Variants in UTP14A observed in about 807,000 individuals in gnomAD.
The protein encoded by UTP14A is U3 small nucleolar RNA-associated protein 14 homolog A.
A neutral mutation model predicts 57.2 loss-of-function variants in UTP14A; 5 were observed. The observed-to-expected ratio is 0.09, with a 90% confidence interval of 0.05 to 0.18. The LOEUF is 0.18. Among genes scored for constraint, UTP14A ranks in the 10% least tolerant of loss-of-function variants. UTP14A has a pLI of 1.00. For synonymous variants in UTP14A, 169 were observed against 210.9 expected, an observed-to-expected ratio of 0.80 and a Z score of 1.72; for missense variants, 430 against 562.1, an observed-to-expected ratio of 0.76 and a Z score of 2.38.
intron 8 of UTP14A, 148 bp downstream of exon 8, chrX:129,919,637 C>T (rs1211666960): frequency 2.4e-5 from 15 of 631,839 alleles, no homozygotes; most frequent in Non-Finnish European, 3.3e-5. Context: ...TTGTTCCCCC[C>T]AAACCAACCT....
In UTP14A at chrX:129,920,472, G is replaced by A; in HGVS notation, c.768G>A (p.Val256=). 1 of 1,212,135 alleles carries A rather than the reference G, an allele frequency of 8.2e-7. No homozygotes were observed. The highest frequency in any genetic ancestry group is 1.1e-6 in the Non-Finnish European group (1 of 895,647). The change falls in exon 9 of 15, where the codon GTG becomes GTA. Residue 256 remains valine (V), a synonymous_variant. Transcript: ENST00000394422. ...KIKSKKYHKV[V]KKGKAKKALK... ...ACCCCTACAGGTATCACAAAGTCGTGAAGAAAGGAAAGGCCAAGAAAGCCC... is the reference window on the plus strand; with the variant it reads ...ACCCCTACAGGTATCACAAAGTCGTAAAGAAAGGAAAGGCCAAGAAAGCCC...
At chrX:129,911,191 G>T (rs369325912) in intron 5 of UTP14A, 41 bp downstream of exon 5, 1 of 1,166,898 alleles carries the variant, frequency 8.6e-7, no homozygotes, top group South Asian at 2.1e-5. Context: ...GAAAGAAATT[G>T]AATTGACAAG....
At chrX:129,923,187 G>A (rs1329706797) in intron 11 of UTP14A, 1 of 112,458 alleles carries the variant, frequency 8.9e-6, no homozygotes, top group Non-Finnish European at 1.9e-5. Context: ...AGCTACAATG[G>A]CTTCATGCCA....
Position 129,921,812 on chromosome X carries a change from G to T in UTP14A, c.1348+225G>T, listed in dbSNP as rs1929927920. The T allele has an allele frequency of 1.3e-5, 5 of 376,808 alleles. No homozygotes were observed. In the Admixed American group the frequency reaches 2.6e-4, roughly 19 times the overall value. The allele number at this position is 376,808 out of a possible 1,213,427, so 31.1% of individuals were successfully genotyped here. ...TGCATGGCCGTGCAACGTGGTTCAGGCACATTTTCTGTTCTTGGGGGCTTA... is the reference window on the plus strand; with the variant it reads ...TGCATGGCCGTGCAACGTGGTTCAGTCACATTTTCTGTTCTTGGGGGCTTA... On this transcript the variant is annotated intron_variant, in intron 11 of 14. Coordinates refer to ENST00000394422, the MANE Select transcript of UTP14A (RefSeq NM_006649.4).
In UTP14A at chrX:129,928,167, T is replaced by A. The variant is rs190704121; in HGVS notation, c.2044-1169T>A. On this transcript the variant is annotated intron_variant, in intron 14 of 14. Coordinates refer to ENST00000394422, the MANE Select transcript of UTP14A (RefSeq NM_006649.4). ...AGGCCAAGGCGGGTGGATCACAAGG[T>A]CAGGAGATCGAGACCATCCTAACAC... Among the ~76,000 whole-genome samples, 121 of 105,338 alleles carry A rather than the reference T, an allele frequency of 1.1e-3. 1 individual carries two copies. Among genetic ancestry groups the A allele is most frequent in the African/African-American group, 3.8e-3 (109 of 28,745 alleles). The allele number at this position is 105,338 out of a possible 115,157, so 91.5% of individuals were successfully genotyped here. A position where few individuals can be genotyped will look rare whatever the true frequency, so the allele number is the denominator to read the frequency against.
intron 12 of UTP14A, 109 bp from the exon 13 acceptor site, chrX:129,925,810 A>G: frequency 1.0e-6 from 1 of 956,007 alleles, no homozygotes; most frequent in Non-Finnish European, 1.4e-6. Flanking sequence ...ATCATTGTTC[A>G]GCACTTCCCC....
chrX:129,913,302 C>T (rs753331801), intron 6 of UTP14A: 1 of 327,814 alleles, frequency 3.1e-6, no homozygotes, highest in South Asian at 2.8e-5. Context: ...CTACCATTCT[C>T]TTTCTAGGAG....
rs1326741732 is a variant in UTP14A at position 129,919,429 on chromosome X, G to A, written c.692G>A (p.Arg231Gln). Residue 231 changes from arginine to glutamine, a missense_variant, in exon 8 of 15, where the codon CGG becomes CAG. By Grantham distance (43) the Arg-to-Gln change is conservative (BLOSUM62 1). Coordinates refer to ENST00000394422, the MANE Select transcript of UTP14A (RefSeq NM_006649.4). ...CGACGAGCAGAGCTTCAGAGGGCTC[G>A]GGCTCTGCAGTCCTACTATGAGGCC... ...KMRRAELQRA[R>Q]ALQSYYEAKA... 3 of 1,210,069 alleles carry A rather than the reference G, an allele frequency of 2.5e-6. No individual in the cohort carries two copies. The highest frequency in any genetic ancestry group is 1.8e-5 in the South Asian group (1 of 56,835).
chrX:129,919,371 C>T, intron 7 of UTP14A, 24 bp from the exon 8 acceptor site: 1 of 1,210,921 alleles, frequency 8.3e-7, no homozygotes, highest in Non-Finnish European at 1.1e-6. Flanking sequence ...GCCCAGGTGT[C>T]ACTGTAAGTC....
intron 11 of UTP14A, chrX:129,921,992 A>C (rs780091141): frequency 1.6e-5 from 2 of 125,056 alleles, no homozygotes; most frequent in African/African-American, 6.4e-5. Flanking sequence ...CAATTTTGAG[A>C]CATTAGGAAA....
chrX:129,911,844 G>A lies in UTP14A; in HGVS notation c.460G>A (p.Ala154Thr), dbSNP rs1476369159. Residue 154 changes from alanine to threonine, a missense_variant, in exon 6 of 15, where the codon GCA (alanine) becomes ACA (threonine). By Grantham distance (58) the Ala-to-Thr change is moderately conservative. Around this residue, in one of 4 missense-constraint regions of UTP14A, gnomAD observed 145 missense variants for 153.5 expected, o/e 0.94. Coordinates refer to ENST00000394422, the MANE Select transcript of UTP14A (RefSeq NM_006649.4). ...CCCTGTCGTCCTGAAGAACCGGCAGGCAGAGCAGCTGGTTTTTCCCCTGGA... is the reference window on the plus strand; with the variant it reads ...CCCTGTCGTCCTGAAGAACCGGCAGACAGAGCAGCTGGTTTTTCCCCTGGA... The part of the protein sequence containing the change: ...WDPVVLKNRQ[A>T]EQLVFPLEKE... 8.3e-7 allele frequency: 1 copy of A among 1,211,614 alleles called. No homozygotes were observed. The highest frequency in any genetic ancestry group is 1.1e-6 in the Non-Finnish European group (1 of 895,478).
At chrX:129,928,226 C>CA (rs1168282224) in intron 14 of UTP14A, among the ~76,000 whole-genome samples, 3 of 100,245 alleles carry the variant, frequency 3.0e-5, no homozygotes, top group Non-Finnish European at 6.1e-5. Context: ...AAAAAAAATA[C>CA]AAAAAAAAAT....
Position 129,908,843 on chromosome X carries a change from T to C in UTP14A, c.238+109T>C. 7 of 676,758 alleles carry C rather than the reference T, an allele frequency of 1.0e-5. No homozygotes were observed. In the South Asian group the frequency reaches 1.8e-4, roughly 17 times the overall value. The allele number at this position is 676,758 out of a possible 1,213,427, so 55.8% of individuals were successfully genotyped here. The stretch of plus-strand genomic sequence containing the variant: ...TGTTTTTGATGTGGTTAATGACTCA[T>C]ACCATAAATACCTGGGAGAGTGGGT... On this transcript the variant is annotated intron_variant, in intron 4 of 14. Transcript: ENST00000394422.
rs1287198900 is a variant in UTP14A at position 129,916,274 on chromosome X, T to C, written c.538-2901T>C. Among the ~76,000 whole-genome samples, 10 of 111,098 alleles carry C rather than the reference T, an allele frequency of 9.0e-5. No individual in the cohort carries two copies. In the Admixed American group the frequency reaches 9.6e-4, roughly 11 times the overall value. ...CTTTCGACTATCACTCTCAACCCCTTCTTTGAAGCTCCAGTCTCATATTCC... is the reference window on the plus strand; with the variant it reads ...CTTTCGACTATCACTCTCAACCCCTCCTTTGAAGCTCCAGTCTCATATTCC... On this transcript the variant is annotated intron_variant, in intron 6 of 14. Transcript: ENST00000394422.
At position 129,911,163 on chromosome X, in the gene UTP14A, G is replaced by C; in HGVS notation, c.381+13G>C. On this transcript the variant is annotated intron_variant, in intron 5 of 14. Coordinates refer to ENST00000394422, the MANE Select transcript of UTP14A (RefSeq NM_006649.4). The stretch of plus-strand genomic sequence containing the variant: ...AGAGATTGAACGGGTAAGCTACAGA[G>C]AAGGTGGTCTATTAAGGGAAAGAAA... 1 of 1,200,935 alleles carries C rather than the reference G, an allele frequency of 8.3e-7. No individual in the cohort carries two copies. Among genetic ancestry groups the C allele is most frequent in the Non-Finnish European group, 1.1e-6 (1 of 890,766 alleles).
intron 1 of UTP14A, 62 bp from the exon 2 acceptor site, chrX:129,907,305 C>T (rs1929288830): frequency 1.1e-6 from 1 of 894,451 alleles, no homozygotes; most frequent in African/African-American, 2.0e-5. Flanking sequence ...TTAAGGGATA[C>T]ATATGCAGGT....
chrX:129,929,268 GC>G, intron 14 of UTP14A, 67 bp from the exon 15 acceptor site: 2 of 1,138,225 alleles, frequency 1.8e-6, no homozygotes, highest in Non-Finnish European at 2.4e-6. Flanking sequence ...CCTGATGAAA[GC>G]TGCCATTACA....
intron 6 of UTP14A, among the ~76,000 whole-genome samples, chrX:129,914,488 A>G (rs1003561561): frequency 1.8e-5 from 2 of 108,964 alleles, no homozygotes; most frequent in Non-Finnish European, 3.8e-5. Flanking sequence ...GAGGCAGGGG[A>G]ATTTCTTGAA....
At chrX:129,922,592 T>A (rs762025813) in intron 11 of UTP14A, 19 of 110,453 alleles carry the variant, frequency 1.7e-4, no homozygotes, top group Non-Finnish European at 3.0e-4. Flanking sequence ...CTGAGCTAAG[T>A]TTTTGTAGAG....
Sources: gnomAD v4.1 joint callset for allele counts (sites outside exome capture counted in the v4.1 genomes callset) on GRCh38, gnomAD v4.1.1 for gene constraint, gnomAD v4.1.1 regional missense constraint, MANE v1.5 for transcripts, NCBI Gene and HGNC (gene_info 2026-07-23, HGNC 2026-07-21) for gene names.